Variants in COP1 observed in about 807,000 individuals in gnomAD.
The protein encoded by COP1 is E3 ubiquitin-protein ligase COP1.
A neutral mutation model predicts 101.3 loss-of-function variants in COP1; 24 were observed. The observed-to-expected ratio is 0.24, with a 90% CI of 0.17 to 0.33. The LOEUF (loss-of-function observed/expected upper bound fraction) is 0.33, where lower values mean the gene tolerates loss of function less well. Among genes scored for constraint, COP1 ranks in the 10% least tolerant of loss-of-function variants. The pLI is 1.00. For synonymous variants in COP1, 347 were observed against 341.9 expected (o/e 1.01, Z -0.17); for missense variants, 663 against 906.2 (o/e 0.73, Z 3.45).
At chr1:175,993,939 T>C (rs1659388949) in intron 15 of COP1, among the ~76,000 whole-genome samples, 1 of 152,012 alleles carries the variant, frequency 6.6e-6, no homozygotes, top group Non-Finnish European at 1.5e-5. Context: ...AGACACATAA[T>C]TGTCAGATTC....
intron 15 of COP1, among the ~76,000 whole-genome samples, chr1:175,994,341 G>A (rs529983306): frequency 2.6e-5 from 4 of 152,180 alleles, no homozygotes; most frequent in East Asian, 1.9e-4. Context: ...ATCAACTAAC[G>A]AGCAAAATAA....
In COP1 at chr1:176,121,644, G is replaced by C. The variant is rs1293069527; in HGVS notation, c.969-4963C>G. On this transcript the variant is annotated intron_variant, in intron 8 of 19. Transcript: ENST00000367669. ...GACATATAAATGCAGTTCTCCTCTA[G>C]GACAGTATTTCTAAAATAGATTTCC... is the stretch of plus-strand genomic sequence containing the variant. 2.0e-5 allele frequency among the ~76,000 whole-genome samples: 3 copies of C among 152,056 alleles called. No individual in the cohort carries two copies. In the East Asian group the frequency reaches 5.8e-4, roughly 29 times the overall value.
At chr1:176,005,608 T>C (rs556763045) in intron 15 of COP1, among the ~76,000 whole-genome samples, 94 of 152,234 alleles carry the variant, frequency 6.2e-4, no homozygotes, top group Non-Finnish European at 1.2e-3. Flanking sequence ...TTTCGTTATG[T>C]ACCCAGTAGT....
intron 15 of COP1, among the ~76,000 whole-genome samples, chr1:175,998,443 C>T (rs1410338242): frequency 6.8e-6 from 1 of 147,612 alleles, no homozygotes; most frequent in Non-Finnish European, 1.5e-5. Flanking sequence ...CACATGTACC[C>T]TAAAACTTAA....
At chr1:176,110,803 T>G (rs1307163292) in intron 9 of COP1, among the ~76,000 whole-genome samples, 1 of 152,222 alleles carries the variant, frequency 6.6e-6, no homozygotes, top group Non-Finnish European at 1.5e-5. Flanking sequence ...CTATATTATC[T>G]GAGTCAACCT....
chr1:176,064,290 A>G (rs1675516543), intron 11 of COP1, among the ~76,000 whole-genome samples: 1 of 152,222 alleles, frequency 6.6e-6, no homozygotes, highest in Admixed American at 6.5e-5. Flanking sequence ...ATTTACATAA[A>G]TAAGGATATA....
intron 18 of COP1, among the ~76,000 whole-genome samples, chr1:175,984,240 G>A (rs942966043): frequency 1.8e-4 from 28 of 152,148 alleles, no homozygotes; most frequent in Non-Finnish European, 3.4e-4. Context: ...GGCATGCTGC[G>A]TGCAGCCTAG....
chr1:175,999,029 T>C (rs569938567), intron 15 of COP1, among the ~76,000 whole-genome samples: 1 of 152,240 alleles, frequency 6.6e-6, no homozygotes, highest in East Asian at 1.9e-4. Context: ...TGTCTTTCCA[T>C]TTTAAAACAC....
chr1:176,114,284 A>T (rs959247351), intron 9 of COP1, among the ~76,000 whole-genome samples: 1 of 152,128 alleles, frequency 6.6e-6, no homozygotes, highest in Non-Finnish European at 1.5e-5. Flanking sequence ...ATACAAACCA[A>T]TCTACAAACT....
At chr1:176,025,910 C>G (rs147780132) in intron 15 of COP1, among the ~76,000 whole-genome samples, 1 of 151,534 alleles carries the variant, frequency 6.6e-6, no homozygotes, top group African/African-American at 2.4e-5. Flanking sequence ...AAAAAGAAAA[C>G]CCAAACAAAT....
intron 11 of COP1, among the ~76,000 whole-genome samples, chr1:176,067,730 G>A (rs1055730524): frequency 2.0e-4 from 30 of 152,172 alleles, no homozygotes; most frequent in Admixed American, 1.2e-3. Flanking sequence ...GATACAGAAA[G>A]CTCTCTGACC....
chr1:176,066,895 G>A (rs147081931), intron 11 of COP1, among the ~76,000 whole-genome samples: 50 of 152,272 alleles, frequency 3.3e-4, no homozygotes, highest in African/African-American at 1.1e-3. Context: ...CCTTGGAACA[G>A]TTGGTTACCA....
intron 2 of COP1, among the ~76,000 whole-genome samples, chr1:176,178,351 AT>A (rs1697254738): frequency 1.3e-5 from 2 of 148,316 alleles, no homozygotes; most frequent in African/African-American, 5.1e-5. Context: ...AAAAAAAAAA[AT>A]AATAATAATA....
intron 15 of COP1, among the ~76,000 whole-genome samples, chr1:175,991,518 C>A (rs1227468023): frequency 6.6e-6 from 1 of 152,104 alleles, no homozygotes; most frequent in African/African-American, 2.4e-5. Context: ...CTAGGCTACA[C>A]TAAATTTACT....
At chr1:176,161,683 C>A (rs866697159) in intron 5 of COP1, among the ~76,000 whole-genome samples, 1 of 152,156 alleles carries the variant, frequency 6.6e-6, no homozygotes, top group Non-Finnish European at 1.5e-5. Flanking sequence ...CAAACACACA[C>A]ATACAGCAGA....
intron 15 of COP1, among the ~76,000 whole-genome samples, chr1:176,023,718 CAAAA>C (rs759455090): frequency 2.4e-4 from 29 of 122,084 alleles, no homozygotes; most frequent in African/African-American, 8.6e-4. Context: ...AACTCCATCT[CAAAA>C]AAAAAAAAAA....
chr1:176,143,146 A>AGAGCGAGAG (rs1553286862), intron 6 of COP1, among the ~76,000 whole-genome samples: 1 of 66,572 alleles, frequency 1.5e-5, no homozygotes, highest in African/African-American at 4.7e-5. Context: ...GAGCGAGAGA[A>AGAGCGAGAG]AGAGAGAGAG....
chr1:176,032,976 A>G (rs1316699483), intron 14 of COP1, among the ~76,000 whole-genome samples: 3 of 152,212 alleles, frequency 2.0e-5, no homozygotes, highest in South Asian at 4.1e-4. Flanking sequence ...AACTGTTATC[A>G]TAATGCTATT....
At chr1:176,165,839 T>C (rs944759219) in intron 3 of COP1, among the ~76,000 whole-genome samples, 2 of 152,172 alleles carry the variant, frequency 1.3e-5, no homozygotes, top group Non-Finnish European at 2.9e-5. Context: ...GAACTGCAGA[T>C]ACCTTACACA....
Sources: allele counts gnomAD v4.1 joint callset (sites outside exome capture counted in the v4.1 genomes callset), GRCh38; gene constraint gnomAD v4.1.1; transcripts MANE v1.5; gene names NCBI Gene and HGNC (gene_info 2026-07-23, HGNC 2026-07-21).